RAPGEF4: variants seen among roughly 807,000 people sequenced by gnomAD.
The protein encoded by RAPGEF4 is RAP guanine-nucleotide-exchange factor (GEF) 4.
In RAPGEF4, 66 loss-of-function variants were observed where a neutral mutation model predicts 147.9. The ratio of observed to expected loss-of-function variants is 0.45; its 90% CI spans 0.37 to 0.55. The LOEUF (loss-of-function observed/expected upper bound fraction) is 0.55, where lower values mean the gene tolerates loss of function less well. RAPGEF4 is among the 20% of genes least tolerant of loss of function. RAPGEF4 has a pLI of 0.00. For synonymous variants in RAPGEF4, 419 were observed against 442.7 expected, an observed-to-expected ratio of 0.95 and a Z score of 0.67; for missense variants, 1,071 against 1,257.3, an observed-to-expected ratio of 0.85 and a Z score of 2.24.
intron 4 of RAPGEF4, among the ~76,000 whole-genome samples, chr2:172,820,516 C>A (rs1688960428): frequency 6.6e-6 from 1 of 152,122 alleles, no homozygotes. Context: ...TCTTGACATG[C>A]TATTGTGATT....
chr2:172,970,461 G>A (rs1401729815), intron 10 of RAPGEF4, among the ~76,000 whole-genome samples: 2 of 152,128 alleles, frequency 1.3e-5, no homozygotes, highest in Admixed American at 6.5e-5. Flanking sequence ...AACTCAGCAC[G>A]GCTGCATTTT....
chr2:172,745,250 C>T (rs142638450), intron 1 of RAPGEF4, among the ~76,000 whole-genome samples: 160 of 152,144 alleles, frequency 1.1e-3, no homozygotes, highest in African/African-American at 3.2e-3. Context: ...TTTTTAATGA[C>T]AAATTCAAAC....
At chr2:172,792,403 T>C (rs1370330826) in intron 1 of RAPGEF4, among the ~76,000 whole-genome samples, 1 of 152,142 alleles carries the variant, frequency 6.6e-6, no homozygotes, top group Non-Finnish European at 1.5e-5. Flanking sequence ...GATACTGATG[T>C]GTTGTATTTC....
At chr2:172,818,160 C>T (rs1688699547) in intron 4 of RAPGEF4, among the ~76,000 whole-genome samples, 1 of 151,192 alleles carries the variant, frequency 6.6e-6, no homozygotes, top group African/African-American at 2.4e-5. Flanking sequence ...GTAAGAATGA[C>T]ACAATGGACT....
At chr2:172,751,599 G>A (rs147366946) in intron 1 of RAPGEF4, among the ~76,000 whole-genome samples, 1 of 152,144 alleles carries the variant, frequency 6.6e-6, no homozygotes, top group African/African-American at 2.4e-5. Flanking sequence ...GAGGGGTAGT[G>A]TTATTTTAGA....
chr2:172,742,063 C>A (rs900972104), intron 1 of RAPGEF4, among the ~76,000 whole-genome samples: 1 of 152,102 alleles, frequency 6.6e-6, no homozygotes, highest in Admixed American at 6.6e-5. Flanking sequence ...CTCCCCACTC[C>A]CCCCAGGATT....
chr2:172,797,684 G>A, intron 3 of RAPGEF4, 71 bp downstream of exon 3: 2 of 1,176,216 alleles, frequency 1.7e-6, no homozygotes, highest in East Asian at 5.0e-5. Context: ...TGTCTTTTAT[G>A]CCATTAAAAT....
At chr2:172,861,560 G>A (rs1261127567) in intron 4 of RAPGEF4, among the ~76,000 whole-genome samples, 1 of 152,198 alleles carries the variant, frequency 6.6e-6, no homozygotes, top group Admixed American at 6.5e-5. Context: ...ATGAAATGTA[G>A]TATGGCAGTC....
intron 6 of RAPGEF4, among the ~76,000 whole-genome samples, chr2:172,940,480 A>G (rs757518189): frequency 1.3e-5 from 2 of 152,044 alleles, no homozygotes; most frequent in Non-Finnish European, 2.9e-5. Context: ...GCACCTCCCC[A>G]CAACTCTCTG....
intron 12 of RAPGEF4, 33 bp downstream of exon 12, chr2:172,985,526 T>G: frequency 6.2e-7 from 1 of 1,602,628 alleles, no homozygotes; most frequent in East Asian, 2.3e-5. Flanking sequence ...ACCTTGCGCC[T>G]GGCCAGCACC....
intron 4 of RAPGEF4, among the ~76,000 whole-genome samples, chr2:172,829,973 TC>T (rs1045784968): frequency 6.6e-5 from 10 of 151,838 alleles, no homozygotes; most frequent in Non-Finnish European, 1.5e-4. Context: ...CCATATATAT[TC>T]CATATATAAT....
intron 27 of RAPGEF4, among the ~76,000 whole-genome samples, chr2:173,035,237 G>A (rs898258123): frequency 5.3e-5 from 8 of 151,518 alleles, no homozygotes; most frequent in South Asian, 2.1e-4. Context: ...GGCCAGGCAC[G>A]GTGGCTCACA....
rs1691894305 is a variant in RAPGEF4 at position 172,983,430 on chromosome 2, T to C, written c.1005-66T>C. 3.9e-6 allele frequency: 6 copies of C among 1,557,464 alleles called. No homozygotes were observed. The South Asian group carries it at 7.4e-5, about 19-fold the overall frequency. On this transcript the variant is annotated intron_variant, in intron 10 of 30. Coordinates refer to ENST00000397081, the MANE Select transcript of RAPGEF4 (RefSeq NM_007023.4). ...AGCATGTTACTGATGCCTGGATCCG[T>C]TTCCATGTTTGAGGCCCTAGTGATG...
intron 6 of RAPGEF4, among the ~76,000 whole-genome samples, chr2:172,923,624 C>A (rs992065972): frequency 3.3e-5 from 5 of 152,208 alleles, no homozygotes; most frequent in African/African-American, 1.2e-4. Context: ...AAATTTACTT[C>A]GCTTGGTCTG....
chr2:172,941,536 C>T (rs1191650607), intron 6 of RAPGEF4, among the ~76,000 whole-genome samples: 1 of 152,092 alleles, frequency 6.6e-6, no homozygotes, highest in Non-Finnish European at 1.5e-5. Context: ...CCACGTCTGA[C>T]AAAAAGTAAG....
intron 1 of RAPGEF4, among the ~76,000 whole-genome samples, chr2:172,794,463 T>G (rs891731864): frequency 6.6e-6 from 1 of 151,604 alleles, no homozygotes; most frequent in Non-Finnish European, 1.5e-5. Flanking sequence ...CACAGAAAAC[T>G]AAGAAGAAGG....
rs527851500 is a variant in RAPGEF4 at position 172,961,003 on chromosome 2, G to C, written c.592-119G>C. On this transcript the variant is annotated intron_variant, in intron 7 of 30. Coordinates refer to ENST00000397081, the MANE Select transcript of RAPGEF4 (RefSeq NM_007023.4). ...ACAAGTGAACAAAGTAAAGCACTGA[G>C]TGAGTTATGTTTTCCAAGCCAGAGT... The C allele has an allele frequency of 6.7e-6, 6 of 893,574 alleles. No homozygotes were observed. The East Asian group carries it at 1.5e-4, about 22-fold the overall frequency. 55.4% of individuals were successfully genotyped at this position (893,574 alleles called of 1,614,324 possible).
Position 173,051,720 on chromosome 2 carries a change from A to T in RAPGEF4, c.2989A>T (p.Arg997Ter). Residue 997 changes from arginine to a stop codon, truncating the protein, a stop_gained, in exon 31 of 31, where the codon AGA becomes TGA. Coordinates refer to ENST00000397081, the MANE Select transcript of RAPGEF4 (RefSeq NM_007023.4). LOFTEE classifies it high-confidence loss of function. ...GCAATTAAATGTGATTGACAACCAG[A>T]GAACTTTATCACAGATGTCACACAG... ...VRQLNVIDNQRTLSQMSHRLE... is the reference protein window; with the variant it reads ...VRQLNVIDNQ 6.2e-7 allele frequency: 1 copy of T among 1,614,100 alleles called. No homozygotes were observed. Among genetic ancestry groups the T allele is most frequent in the Non-Finnish European group, 8.5e-7 (1 of 1,179,952 alleles).
At chr2:172,841,343 C>A (rs1691568064) in intron 4 of RAPGEF4, among the ~76,000 whole-genome samples, 1 of 152,186 alleles carries the variant, frequency 6.6e-6, no homozygotes, top group Non-Finnish European at 1.5e-5. Flanking sequence ...TTATCTTCCG[C>A]CATGAGTGAA....
Sources: gnomAD v4.1 joint callset for allele counts (sites outside exome capture counted in the v4.1 genomes callset) on GRCh38, gnomAD v4.1.1 for gene constraint, MANE v1.5 for transcripts, NCBI Gene and HGNC (gene_info 2026-07-23, HGNC 2026-07-21) for gene names.